Variants in CSMD1 observed in about 807,000 individuals in gnomAD.
CSMD1 encodes the protein CUB and Sushi multiple domains 1.
Under a neutral mutation model 417.5 loss-of-function variants are expected in CSMD1, and 213 were observed. The observed-to-expected ratio is 0.51, with a 90% CI of 0.46 to 0.57. CSMD1 has a LOEUF of 0.57. Among genes scored for constraint, CSMD1 ranks in the 20% least tolerant of loss-of-function variants. The pLI, the probability that CSMD1 is intolerant of heterozygous loss-of-function variation, is 0.00. For missense variants in CSMD1, 6,923 were observed against 4,529.7 expected (o/e 1.53, Z -15.17); for synonymous variants, 2,862 against 1,736.8 (o/e 1.65, Z -16.11).
chr8:4,332,928 T>G (rs1042447703), intron 3 of CSMD1, among the ~76,000 whole-genome samples: 3 of 145,754 alleles, frequency 2.1e-5, no homozygotes, highest in African/African-American at 8.1e-5. Context: ...TATCACATTT[T>G]TTTCTTATAA....
At chr8:3,234,853 A>T (rs1442408) in intron 26 of CSMD1, among the ~76,000 whole-genome samples, 1 of 152,090 alleles carries the variant, frequency 6.6e-6, no homozygotes, top group Non-Finnish European at 1.5e-5. Flanking sequence ...CATTTTACAC[A>T]AATTCTTGAA....
At chr8:3,903,543 C>G (rs1471921845) in intron 5 of CSMD1, among the ~76,000 whole-genome samples, 1 of 152,116 alleles carries the variant, frequency 6.6e-6, no homozygotes, top group Non-Finnish European at 1.5e-5. Context: ...GCATTTTGTC[C>G]TGTTTCTGAA....
At chr8:4,106,120 A>G (rs1563130992) in intron 3 of CSMD1, among the ~76,000 whole-genome samples, 1 of 152,164 alleles carries the variant, frequency 6.6e-6, no homozygotes, top group Non-Finnish European at 1.5e-5. Flanking sequence ...GGGTGGAGGG[A>G]AAGTGACCAT....
intron 1 of CSMD1, among the ~76,000 whole-genome samples, chr8:4,782,775 G>C (rs550988058): frequency 7.0e-4 from 106 of 152,182 alleles, no homozygotes; most frequent in Non-Finnish European, 1.3e-3. Flanking sequence ...GTTAGTAATA[G>C]TTTCCAAGAT....
intron 5 of CSMD1, among the ~76,000 whole-genome samples, chr8:3,871,189 A>G (rs1805460664): frequency 6.6e-6 from 1 of 152,040 alleles, no homozygotes; most frequent in South Asian, 2.1e-4. Context: ...AAATGTGCAA[A>G]TATTTTTCTA....
chr8:4,624,153 G>C lies in CSMD1; in HGVS notation c.302+13189C>G, dbSNP rs568704922. Among the ~76,000 whole-genome samples, 193 of 152,192 alleles carry C rather than the reference G, an allele frequency of 1.3e-3. 2 individuals carry two copies. Among genetic ancestry groups the C allele is most frequent in the Middle Eastern group, 3.4e-3 (1 of 294 alleles). Reference sequence around the variant, plus strand: ...CTAATTTAGGAAACCAAAATAGCAGGTTTGCAGTAAAACTTGGCAAATCAA... The same window carrying C: ...CTAATTTAGGAAACCAAAATAGCAGCTTTGCAGTAAAACTTGGCAAATCAA... On this transcript the variant is annotated intron_variant, in intron 2 of 69. Transcript: ENST00000635120.
chr8:3,482,224 A>G (rs1817788809), intron 11 of CSMD1, among the ~76,000 whole-genome samples: 1 of 152,174 alleles, frequency 6.6e-6, no homozygotes, highest in African/African-American at 2.4e-5. Context: ...ATGCCACTGA[A>G]ATATCAGAGA....
rs143364722 is a variant in CSMD1 at position 4,470,096 on chromosome 8, T to G, written c.303-50031A>C. Reference sequence around the variant, plus strand: ...CGTGTTAGCCAGGATGGTCTCGATCTCCTGATCTCGTGATCCGCCCGCCTC... The same window carrying G: ...CGTGTTAGCCAGGATGGTCTCGATCGCCTGATCTCGTGATCCGCCCGCCTC... On this transcript the variant is annotated intron_variant, in intron 2 of 69. Transcript: ENST00000635120. Among the ~76,000 whole-genome samples the G allele has an allele frequency of 1.4e-3, 210 of 152,126 alleles. 5 individuals carry two copies. In the East Asian group the frequency reaches 0.038, roughly 27 times the overall value.
intron 26 of CSMD1, among the ~76,000 whole-genome samples, chr8:3,265,081 T>C (rs1249584035): frequency 6.6e-6 from 1 of 152,186 alleles, no homozygotes. Flanking sequence ...ACAAATCTGT[T>C]GAATAGCTGC....
intron 12 of CSMD1, among the ~76,000 whole-genome samples, chr8:3,439,718 T>G (rs1232290179): frequency 6.6e-6 from 1 of 152,196 alleles, no homozygotes; most frequent in Non-Finnish European, 1.5e-5. Flanking sequence ...GGGACAAGTC[T>G]AAGAAATATT....
chr8:4,361,597 A>G (rs1384885942), intron 3 of CSMD1, among the ~76,000 whole-genome samples: 2 of 152,170 alleles, frequency 1.3e-5, no homozygotes, highest in Non-Finnish European at 1.5e-5. Flanking sequence ...CAGTTGCCCT[A>G]TTTTATACTC....
At chr8:4,985,738 T>G (rs747112062) in intron 1 of CSMD1, among the ~76,000 whole-genome samples, 3 of 152,214 alleles carry the variant, frequency 2.0e-5, no homozygotes, top group Non-Finnish European at 4.4e-5. Context: ...CTGTATTGTT[T>G]CCATGTAAAA....
intron 1 of CSMD1, among the ~76,000 whole-genome samples, chr8:4,974,010 T>C (rs1288026536): frequency 6.6e-6 from 1 of 152,114 alleles, no homozygotes; most frequent in Non-Finnish European, 1.5e-5. Context: ...TTAGCCTCTC[T>C]GGAAATTATT....
chr8:4,825,594 C>T (rs760115086), intron 1 of CSMD1, among the ~76,000 whole-genome samples: 5 of 64,630 alleles, frequency 7.7e-5, no homozygotes, highest in Non-Finnish European at 2.0e-4. Context: ...GATCAAAAAG[C>T]ACAGAAAAGA....
chr8:4,816,516 C>A (rs1266278918), intron 1 of CSMD1, among the ~76,000 whole-genome samples: 1 of 152,084 alleles, frequency 6.6e-6, no homozygotes, highest in East Asian at 1.9e-4. Flanking sequence ...GTGTGAGCCA[C>A]CATGCGCAGC....
intron 1 of CSMD1, among the ~76,000 whole-genome samples, chr8:4,809,832 C>T (rs1772216331): frequency 6.6e-6 from 1 of 152,138 alleles, no homozygotes; most frequent in Admixed American, 6.5e-5. Flanking sequence ...TGTGGACCAC[C>T]TGCATGTCTA....
rs1386983124 is a variant in CSMD1, at chr8:3,796,335, T to C, written c.819-42293A>G. The stretch of plus-strand genomic sequence containing the variant: ...TATAGATATCTATCATGTATAGATA[T>C]AGATATATATCTATCATGTATAGAT... On this transcript the variant is annotated intron_variant, in intron 5 of 69. Transcript: ENST00000635120. 6.5e-5 allele frequency among the ~76,000 whole-genome samples: 8 copies of C among 122,480 alleles called. 1 individual carries two copies. Among genetic ancestry groups the C allele is most frequent in the African/African-American group, 2.4e-4 (8 of 33,638 alleles). 80.4% of individuals were successfully genotyped at this position (122,480 alleles called of 152,430 possible). A position where few individuals can be genotyped will look rare whatever the true frequency, so the allele number is the denominator to read the frequency against.
At chr8:4,642,150 C>T (rs1329047806) in intron 1 of CSMD1, among the ~76,000 whole-genome samples, 4 of 152,156 alleles carry the variant, frequency 2.6e-5, no homozygotes, top group African/African-American at 9.7e-5. Context: ...GGCAAGTGCT[C>T]GGCAAGGAGC....
rs756506764 is a variant in CSMD1 at position 4,500,393 on chromosome 8, C to T, written c.303-80328G>A. On this transcript the variant is annotated intron_variant, in intron 2 of 69. Coordinates refer to ENST00000635120, the MANE Select transcript of CSMD1 (RefSeq NM_033225.6). ...ACAAATGTGTTCATATATCACAGCC[C>T]GAAAAAATAATGAACTATTACTGTA... 4.0e-5 allele frequency among the ~76,000 whole-genome samples: 6 copies of T among 151,880 alleles called. No homozygotes were observed. In the East Asian group the frequency reaches 7.7e-4, roughly 20 times the overall value.
Sources: gnomAD v4.1 joint callset for allele counts (sites outside exome capture counted in the v4.1 genomes callset) on GRCh38, gnomAD v4.1.1 for gene constraint, MANE v1.5 for transcripts, NCBI Gene and HGNC (gene_info 2026-07-23, HGNC 2026-07-21) for gene names.